ITGBL1: variants seen among roughly 807,000 people sequenced by gnomAD.
The protein encoded by ITGBL1 is integrin subunit beta like 1, also known as integrin beta-like protein 1.
In ITGBL1, 51 loss-of-function variants were observed where a neutral mutation model predicts 68.5. The observed-to-expected ratio is 0.74, with a 90% CI of 0.59 to 0.94. ITGBL1 has a LOEUF of 0.94. Ranked by LOEUF, ITGBL1 falls within the 40% of genes least tolerant of loss-of-function variation. The pLI is 0.00. For synonymous variants in ITGBL1, 209 were observed against 227.3 expected (o/e 0.92, Z 0.72); for missense variants, 649 against 647.4 (o/e 1.00, Z -0.03).
chr13:101,567,733 T>A lies in ITGBL1; in HGVS notation c.351T>A (p.Cys117Ter). The A allele has an allele frequency of 6.2e-7, 1 of 1,613,364 alleles. No homozygotes were observed. Among genetic ancestry groups the A allele is most frequent in the Non-Finnish European group, 8.5e-7 (1 of 1,179,504 alleles). ...HGKCDCGKCK[C>*]DQGWYGDACQ... ...AGTGTGACTGTGGCAAGTGCAAGTGTGACCAGGGATGGTATGGGGATGCTT... is the reference window on the plus strand; with the variant it reads ...AGTGTGACTGTGGCAAGTGCAAGTGAGACCAGGGATGGTATGGGGATGCTT... Residue 117 changes from cysteine to a stop codon, truncating the protein, a stop_gained, in exon 3 of 11, where the codon TGT becomes TGA. Coordinates refer to ENST00000376180, the MANE Select transcript of ITGBL1 (RefSeq NM_004791.3). LOFTEE classifies it high-confidence loss of function.
rs572896673 is a variant in ITGBL1 at position 101,459,880 on chromosome 13, T to C, written c.316+5780T>C. 5.3e-5 allele frequency among the ~76,000 whole-genome samples: 8 copies of C among 152,310 alleles called. No homozygotes were observed. The South Asian group carries it at 1.7e-3, about 32-fold the overall frequency. On this transcript the variant is annotated intron_variant, in intron 2 of 10. Coordinates refer to ENST00000376180, the MANE Select transcript of ITGBL1 (RefSeq NM_004791.3). ...TTTTAATATGTAAAAATTAGTAATT[T>C]TTTTTCTTGAAGATATTTGACTTTT...
intron 4 of ITGBL1, 99 bp from the exon 5 acceptor site, chr13:101,579,188 T>G: frequency 7.8e-7 from 1 of 1,275,182 alleles, no homozygotes; most frequent in Non-Finnish European, 1.1e-6. Context: ...GCTGTGACAG[T>G]ATTTCAGAAG....
intron 8 of ITGBL1, among the ~76,000 whole-genome samples, chr13:101,704,860 G>A (rs535924983): frequency 6.6e-6 from 1 of 152,114 alleles, no homozygotes; most frequent in Admixed American, 6.5e-5. Flanking sequence ...TTCTTTGTTT[G>A]TTTTTACTTT....
intron 2 of ITGBL1, among the ~76,000 whole-genome samples, chr13:101,454,613 GT>G (rs1386478544): frequency 6.6e-6 from 1 of 152,170 alleles, no homozygotes; most frequent in Middle Eastern, 3.2e-3. Flanking sequence ...TATCAAGAAT[GT>G]TAATGATAAT....
At chr13:101,504,711 A>G (rs2048999845) in intron 2 of ITGBL1, among the ~76,000 whole-genome samples, 1 of 152,156 alleles carries the variant, frequency 6.6e-6, no homozygotes, top group African/African-American at 2.4e-5. Flanking sequence ...ATTCTGTGGA[A>G]AGATAATTTA....
chr13:101,600,111 A>G (rs9585734), intron 7 of ITGBL1, among the ~76,000 whole-genome samples: 1 of 150,670 alleles, frequency 6.6e-6, no homozygotes, highest in Non-Finnish European at 1.5e-5. Flanking sequence ...CTTTTATTTC[A>G]TTGAGCAGTG....
At chr13:101,468,108 A>C (rs1286582009) in intron 2 of ITGBL1, among the ~76,000 whole-genome samples, 1 of 152,236 alleles carries the variant, frequency 6.6e-6, no homozygotes, top group Non-Finnish European at 1.5e-5. Context: ...TTTTATAAAC[A>C]AAGTGACTTG....
chr13:101,459,322 T>C (rs1265311580), intron 2 of ITGBL1, among the ~76,000 whole-genome samples: 1 of 152,222 alleles, frequency 6.6e-6, no homozygotes, highest in Non-Finnish European at 1.5e-5. Flanking sequence ...CCTTTTTCTG[T>C]AACAGTATCC....
At chr13:101,455,567 C>T (rs937047866) in intron 2 of ITGBL1, among the ~76,000 whole-genome samples, 2 of 151,956 alleles carry the variant, frequency 1.3e-5, no homozygotes, top group African/African-American at 4.8e-5. Flanking sequence ...CTTGGGAGGC[C>T]GAGGCAGAAT....
intron 8 of ITGBL1, among the ~76,000 whole-genome samples, chr13:101,706,023 G>T (rs1456613443): frequency 6.6e-6 from 1 of 152,190 alleles, no homozygotes; most frequent in Non-Finnish European, 1.5e-5. Flanking sequence ...AAATTGAAAT[G>T]GAATATCATG....
At chr13:101,688,012 C>T (rs1166280211) in intron 7 of ITGBL1, among the ~76,000 whole-genome samples, 1 of 151,966 alleles carries the variant, frequency 6.6e-6, no homozygotes, top group African/African-American at 2.4e-5. Flanking sequence ...TCAGAAGCCA[C>T]AGTTGTATCT....
chr13:101,592,116 G>C (rs1430716040), intron 6 of ITGBL1, among the ~76,000 whole-genome samples: 2 of 152,050 alleles, frequency 1.3e-5, no homozygotes, highest in Non-Finnish European at 2.9e-5. Flanking sequence ...TTATTTTATT[G>C]ATAATGTAGG....
intron 7 of ITGBL1, among the ~76,000 whole-genome samples, chr13:101,634,769 C>A (rs911959803): frequency 1.3e-5 from 2 of 151,840 alleles, no homozygotes; most frequent in African/African-American, 4.8e-5. Flanking sequence ...TTTTTAAAAT[C>A]AGAAGTGCAA....
rs777537129 is a variant in ITGBL1 at position 101,598,328 on chromosome 13, G to A, written c.1015+29G>A. On this transcript the variant is annotated intron_variant, in intron 7 of 10. Transcript: ENST00000376180. ...AGTGAGGTCTCTCAGGGCTTCCCAC[G>A]GCCTCTCCATCACAATTCAAATGAA... 13 of 1,533,948 alleles carry A rather than the reference G, an allele frequency of 8.5e-6. No homozygotes were observed. The African/African-American group carries it at 1.5e-4, about 18-fold the overall frequency.
At chr13:101,703,707 T>C (rs2034187371) in intron 8 of ITGBL1, among the ~76,000 whole-genome samples, 1 of 152,076 alleles carries the variant, frequency 6.6e-6, no homozygotes, top group South Asian at 2.1e-4. Flanking sequence ...CAAAACATCA[T>C]GAACTGGTTG....
chr13:101,720,516 T>TGG (rs1425667871), downstream of ITGBL1: 31 of 146,356 alleles, frequency 2.1e-4, 1 homozygote, highest in Admixed American at 2.2e-3. Context: ...AACAAATAGA[T>TGG]GGGGGTGTTT....
intron 2 of ITGBL1, among the ~76,000 whole-genome samples, chr13:101,512,149 A>G (rs900077255): frequency 2.2e-4 from 33 of 152,214 alleles, no homozygotes; most frequent in African/African-American, 7.7e-4. Context: ...TTTTACTTCC[A>G]AGCTCAGATG....
chr13:101,459,536 A>C (rs377487534), intron 2 of ITGBL1, among the ~76,000 whole-genome samples: 8 of 152,214 alleles, frequency 5.3e-5, no homozygotes, highest in Admixed American at 3.9e-4. Context: ...TGATCTCAGG[A>C]GTCTGAGACC....
At chr13:101,715,250 T>C (rs1188605442) in intron 10 of ITGBL1, 6 of 245,944 alleles carry the variant, frequency 2.4e-5, no homozygotes, top group African/African-American at 1.3e-4. Flanking sequence ...TTTCTGTATT[T>C]ATTCATAAGT....
Sources: gnomAD v4.1 joint callset for allele counts (sites outside exome capture counted in the v4.1 genomes callset) on GRCh38, gnomAD v4.1.1 for gene constraint, MANE v1.5 for transcripts, NCBI Gene and HGNC (gene_info 2026-07-23, HGNC 2026-07-21) for gene names.